Variants in CABIN1 observed in about 807,000 individuals in gnomAD.
The protein encoded by CABIN1 is calcineurin-binding protein cabin-1.
CABIN1 carries 133 observed loss-of-function variants against 227.7 expected under a neutral mutation model. That is an observed-to-expected ratio of 0.58 (90% confidence interval 0.51 to 0.67). CABIN1 has a LOEUF of 0.67. Ranked by LOEUF, CABIN1 falls within the 30% of genes least tolerant of loss-of-function variation. The pLI is 0.00. For synonymous variants in CABIN1, 1,086 were observed against 1,155.1 expected (o/e 0.94, Z 1.21); for missense variants, 2,408 against 2,852.5 (o/e 0.84, Z 3.55).
intron 12 of CABIN1, among the ~76,000 whole-genome samples, chr22:24,060,991 C>T (rs557101609): frequency 1.3e-5 from 2 of 152,322 alleles, no homozygotes; most frequent in East Asian, 3.9e-4. Flanking sequence ...CCATGTTGCC[C>T]AGACTGGTCT....
intron 31 of CABIN1, among the ~76,000 whole-genome samples, chr22:24,165,951 G>T (rs1682004131): frequency 6.6e-6 from 1 of 152,202 alleles, no homozygotes; most frequent in African/African-American, 2.4e-5. Flanking sequence ...AGGCCTATGA[G>T]AACACCATGT....
Position 24,167,178 on chromosome 22 carries a change from C to G in CABIN1, c.5547C>G (p.Leu1849=). ...PLSRLSRKRK[L]LEDTESGKTL... Reference sequence around the variant, plus strand: ...CCCGGCTCAGCCGCAAGAGGAAGCTCCTGGAGGACACAGAGTCAGGCAAGA... The same window carrying G: ...CCCGGCTCAGCCGCAAGAGGAAGCTGCTGGAGGACACAGAGTCAGGCAAGA... The change falls in exon 32 of 37, where the codon CTC becomes CTG. Residue 1849 remains leucine, a synonymous_variant. Coordinates refer to ENST00000263119, the MANE Select transcript of CABIN1 (RefSeq NM_012295.4). The G allele has an allele frequency of 6.2e-7, 1 of 1,610,730 alleles. No individual in the cohort carries two copies.
intron 28 of CABIN1, among the ~76,000 whole-genome samples, chr22:24,122,274 G>T (rs2043461804): frequency 6.6e-6 from 1 of 152,038 alleles, no homozygotes; most frequent in Non-Finnish European, 1.5e-5. Context: ...AGCTCTCTTG[G>T]GTCTAGTACA....
intron 29 of CABIN1, among the ~76,000 whole-genome samples, chr22:24,135,640 G>C (rs544202865): frequency 6.6e-6 from 1 of 152,040 alleles, no homozygotes; most frequent in Non-Finnish European, 1.5e-5. Context: ...CCTATCCACC[G>C]CCCCTCCCAG....
intron 27 of CABIN1, 108 bp downstream of exon 27, chr22:24,113,856 C>G: frequency 8.9e-7 from 1 of 1,126,484 alleles, no homozygotes; most frequent in Non-Finnish European, 1.3e-6. Flanking sequence ...AAGTCACTTA[C>G]TCCCTGGGCC....
At chr22:24,059,182 CAGA>C in intron 10 of CABIN1, 42 bp from the exon 11 acceptor site, 1 of 1,612,712 alleles carries the variant, frequency 6.2e-7, no homozygotes, top group Middle Eastern at 1.7e-4. Flanking sequence ...ATGCTTGTGT[CAGA>C]ACGTGTGTTG....
intron 29 of CABIN1, among the ~76,000 whole-genome samples, chr22:24,152,906 C>A (rs563735062): frequency 1.3e-4 from 19 of 150,796 alleles, no homozygotes; most frequent in African/African-American, 4.4e-4. Flanking sequence ...GCCAAGATTG[C>A]ACCACTGCAC....
intron 1 of CABIN1, among the ~76,000 whole-genome samples, chr22:24,023,717 C>T (rs1211666718): frequency 1.3e-5 from 2 of 150,326 alleles, no homozygotes; most frequent in African/African-American, 4.9e-5. Flanking sequence ...GAGAAAATGT[C>T]TTTTGAAAGT....
chr22:24,039,964 G>T (rs984613542), intron 4 of CABIN1, among the ~76,000 whole-genome samples: 1 of 152,252 alleles, frequency 6.6e-6, no homozygotes, highest in Non-Finnish European at 1.5e-5. Flanking sequence ...GTCCTAGAGG[G>T]ACTTGCTCGG....
intron 33 of CABIN1, among the ~76,000 whole-genome samples, chr22:24,168,913 C>CCCGCCCCA (rs1023391826): frequency 4.6e-5 from 7 of 152,152 alleles, no homozygotes; most frequent in African/African-American, 1.4e-4. Flanking sequence ...GGGACTGCCC[C>CCCGCCCCA]CCGCCCCACC....
At chr22:24,028,833 T>C (rs923427626) in intron 1 of CABIN1, among the ~76,000 whole-genome samples, 6 of 152,110 alleles carry the variant, frequency 3.9e-5, no homozygotes, top group South Asian at 2.1e-4. Context: ...GTACCAGATA[T>C]AGTGGTACAA....
chr22:24,118,334 A>G (rs2043202740), intron 27 of CABIN1, among the ~76,000 whole-genome samples: 1 of 152,160 alleles, frequency 6.6e-6, no homozygotes, highest in Non-Finnish European at 1.5e-5. Context: ...CTCAACGAGA[A>G]TAGTGATGGT....
At chr22:24,055,678 A>T (rs988771640) in intron 9 of CABIN1, among the ~76,000 whole-genome samples, 3 of 152,234 alleles carry the variant, frequency 2.0e-5, no homozygotes, top group African/African-American at 7.2e-5. Context: ...TTTCTGTGTC[A>T]CTGAAAAAAA....
intron 28 of CABIN1, among the ~76,000 whole-genome samples, chr22:24,128,186 A>G (rs2043850917): frequency 6.6e-6 from 1 of 151,238 alleles, no homozygotes; most frequent in Non-Finnish European, 1.5e-5. Context: ...TTACACACAA[A>G]CAGACACACA....
chr22:24,065,785 C>T (rs909663894), intron 15 of CABIN1, among the ~76,000 whole-genome samples: 2 of 152,264 alleles, frequency 1.3e-5, no homozygotes, highest in Admixed American at 6.5e-5. Context: ...GCGGATCACT[C>T]GCGATTAGGA....
At chr22:24,096,196 A>G in intron 25 of CABIN1, 114 bp downstream of exon 25, 1 of 1,242,174 alleles carries the variant, frequency 8.1e-7, no homozygotes, top group Non-Finnish European at 1.2e-6. Context: ...AGTAAACTAG[A>G]ACTCATGGAG....
chr22:24,044,978 G>A (rs1400534491), intron 6 of CABIN1, among the ~76,000 whole-genome samples: 2 of 150,148 alleles, frequency 1.3e-5, no homozygotes, highest in Non-Finnish European at 2.9e-5. Context: ...GGAGTGCAGT[G>A]GTGCGATCTC....
rs1259939603 is a variant in CABIN1, at chr22:24,095,983, C to G, written c.3839C>G (p.Ser1280Cys). 4 of 1,614,000 alleles carry G rather than the reference C, an allele frequency of 2.5e-6. No homozygotes were observed. The highest frequency in any genetic ancestry group is 3.4e-6 in the Non-Finnish European group (4 of 1,180,028). Reference sequence around the variant, plus strand: ...CTGAAGCTCCTGGGGAAGCCCGATTCTGGGGTTGGTGCAGAGGTCCTGGTC... The same window carrying G: ...CTGAAGCTCCTGGGGAAGCCCGATTGTGGGGTTGGTGCAGAGGTCCTGGTC... ...SILKLLGKPD[S>C]GVGAEVLVNF... is the part of the protein sequence containing the mutation. Residue 1280 changes from serine (S) to cysteine (C), a missense_variant, in exon 25 of 37, where the codon TCT becomes TGT. Physicochemically the swap from Ser to Cys is moderately radical, Grantham distance 112. Coordinates refer to ENST00000263119, the MANE Select transcript of CABIN1 (RefSeq NM_012295.4).
intron 28 of CABIN1, among the ~76,000 whole-genome samples, chr22:24,131,598 G>A (rs1429370460): frequency 2.0e-5 from 3 of 152,172 alleles, no homozygotes; most frequent in Non-Finnish European, 2.9e-5. Flanking sequence ...GACTGCCCCA[G>A]GTGTCTGGGC....
Sources: gnomAD v4.1 joint callset for allele counts (sites outside exome capture counted in the v4.1 genomes callset) on GRCh38, gnomAD v4.1.1 for gene constraint, MANE v1.5 for transcripts, NCBI Gene and HGNC (gene_info 2026-07-23, HGNC 2026-07-21) for gene names.